APOH: variants seen among roughly 807,000 people sequenced by gnomAD.
The protein encoded by APOH is apolipoprotein H.
In APOH, 48 loss-of-function variants were observed where a neutral mutation model predicts 39.8. That is an observed-to-expected ratio of 1.21 (90% CI 0.96 to 1.54). The LOEUF is 1.54. Among genes scored for constraint, APOH ranks in the 40% most tolerant of loss-of-function variants. The pLI, the probability that APOH is intolerant of heterozygous loss-of-function variation, is 0.00. For synonymous variants in APOH, 153 were observed against 151.1 expected (o/e 1.01, Z -0.09); for missense variants, 415 against 421.2 (o/e 0.99, Z 0.13).
chr17:66,225,989 C>A (rs1481984382), intron 3 of APOH, 39 bp downstream of exon 3: 2 of 1,420,150 alleles, frequency 1.4e-6, no homozygotes, highest in East Asian at 2.3e-5. Context: ...CAAAAATGTG[C>A]TCAGTCTGTT....
chr17:66,217,165 A>G (rs2073370561), intron 5 of APOH, among the ~76,000 whole-genome samples, 198 bp from the exon 6 acceptor site: 2 of 152,176 alleles, frequency 1.3e-5, no homozygotes, highest in Admixed American at 1.3e-4. Flanking sequence ...TAAAAAAGAA[A>G]CAACCACACT....
chr17:66,221,416 G>GAAGGAAGGAAGGAAGCA lies in APOH; in HGVS notation c.416-675_416-674insTGCTTCCTTCCTTCCTT, dbSNP rs2073402101. ...GGAAGGAAGGAAGGAAGGAAGGAAG[G>GAAGGAAGGAAGGAAGCA]AAGGAAGGAAGGAAGCCCTCAAGTC... On this transcript the variant is annotated intron_variant, in intron 4 of 7. Transcript: ENST00000205948. Among the ~76,000 whole-genome samples, 2 of 111,666 alleles carry GAAGGAAGGAAGGAAGCA rather than the reference G, an allele frequency of 1.8e-5. 1 individual carries two copies. The highest frequency in any genetic ancestry group is 8.0e-5 in the African/African-American group (2 of 24,906). 73.3% of individuals were successfully genotyped at this position (111,666 alleles called of 152,430 possible). A position where few individuals can be genotyped will look rare whatever the true frequency, so the allele number is the denominator to read the frequency against.
intron 4 of APOH, among the ~76,000 whole-genome samples, chr17:66,222,909 T>C (rs556289714): frequency 6.6e-6 from 1 of 152,276 alleles, no homozygotes; most frequent in East Asian, 1.9e-4. Context: ...CACTGACATG[T>C]TGAAGAACTA....
At chr17:66,212,371 ATTTTCT>A (rs745654905) in intron 7 of APOH, among the ~76,000 whole-genome samples, 183 bp from the exon 8 acceptor site, 16 of 152,170 alleles carry the variant, frequency 1.1e-4, no homozygotes, top group South Asian at 2.1e-4. Context: ...TAAGACCCTC[ATTTTCT>A]TTTTCTTTTT....
At chr17:66,227,503 T>A (rs552777159) in intron 2 of APOH, among the ~76,000 whole-genome samples, 1 of 152,290 alleles carries the variant, frequency 6.6e-6, no homozygotes, top group Admixed American at 6.5e-5. Flanking sequence ...AGTAAAGCCA[T>A]AGTGAGATTG....
rs2073450718 is a variant in APOH, at chr17:66,228,101, C to A, written c.160G>T (p.Gly54Cys). ...GEEITYSCKP[G>C]YVSRGGMRKF... Reference sequence around the variant, plus strand: ...CTCATCCCTCCTCGGGACACATAGCCCGGCTTGCAGGAATACGTAATCTCT... The same window carrying A: ...CTCATCCCTCCTCGGGACACATAGCACGGCTTGCAGGAATACGTAATCTCT... Residue 54 changes from glycine (G) to cysteine (C), a missense_variant, in exon 2 of 8, where the codon GGC becomes TGC. Gly to Cys is a radical substitution (Grantham distance 159). This residue lies in a region of APOH where 288 missense variants were observed against 284.9 expected (regional missense o/e 1.01). Coordinates refer to ENST00000205948, the MANE Select transcript of APOH (RefSeq NM_000042.3). 1 of 1,614,056 alleles carries A rather than the reference C, an allele frequency of 6.2e-7. No individual in the cohort carries two copies. Among genetic ancestry groups the A allele is most frequent in the Non-Finnish European group, 8.5e-7 (1 of 1,180,026 alleles).
chr17:66,226,164 TAA>T (rs8178832), intron 2 of APOH, 40 bp from the exon 3 acceptor site: 4 of 1,399,288 alleles, frequency 2.9e-6, no homozygotes, highest in Non-Finnish European at 2.9e-6. Context: ...TTCTTTGGGC[TAA>T]AAAAAAACAT....
In APOH at chr17:66,216,812, A is replaced by T; in HGVS notation, c.760T>A (p.Trp254Arg). The change falls in exon 6 of 8, where the codon TGG becomes AGG. Residue 254 changes from tryptophan (W) to arginine (R), a missense_variant. This residue lies in a region of APOH where 120 missense variants were observed against 110.6 expected (regional missense o/e 1.08). Coordinates refer to ENST00000205948, the MANE Select transcript of APOH (RefSeq NM_000042.3). ...CCTTTACAACTTGGCATGGCAGACCAGTTTCCCAGTTTGGTACATTCTATT... is the reference window on the plus strand; with the variant it reads ...CCTTTACAACTTGGCATGGCAGACCTGTTTCCCAGTTTGGTACATTCTATT... Reference protein sequence around the residue: ...EEIECTKLGNWSAMPSCKASC... With the variant: ...EEIECTKLGNRSAMPSCKASC... 1 of 1,605,510 alleles carries T rather than the reference A, an allele frequency of 6.2e-7. No individual in the cohort carries two copies. Among genetic ancestry groups the T allele is most frequent in the Non-Finnish European group, 8.5e-7 (1 of 1,176,758 alleles).
At chr17:66,222,084 C>G (rs891819420) in intron 4 of APOH, among the ~76,000 whole-genome samples, 10 of 152,092 alleles carry the variant, frequency 6.6e-5, no homozygotes, top group African/African-American at 2.4e-4. Flanking sequence ...TATTTACAAC[C>G]CTTTTGGAAA....
chr17:66,229,334 C>A lies in APOH; in HGVS notation c.46G>T (p.Val16Phe), dbSNP rs769892837. The A allele has an allele frequency of 3.7e-6, 6 of 1,613,552 alleles. No individual in the cohort carries two copies. Among genetic ancestry groups the A allele is most frequent in the East Asian group, 4.5e-5 (2 of 44,868 alleles). Residue 16 changes from valine to phenylalanine, a missense_variant, in exon 1 of 8, where the codon GTT (valine) becomes TTT (phenylalanine). Physicochemically the swap from Val to Phe is conservative, Grantham distance 50. Transcript: ENST00000205948. Reference protein sequence around the residue: ...LILFSSFLCHVAIAGRTCPKP... With the variant: ...LILFSSFLCHFAIAGRTCPKP... ...TACTTACTCCGTCCTGCAATAGCAA[C>A]ATGGCAGAGAAAACTCGAGAACAAG...
intron 6 of APOH, among the ~76,000 whole-genome samples, chr17:66,216,453 C>T (rs576750335): frequency 6.7e-6 from 1 of 149,040 alleles, no homozygotes; most frequent in Non-Finnish European, 1.5e-5. Flanking sequence ...CATTGCACTC[C>T]AGCCTGGGCG....
At chr17:66,212,391 T>C (rs2073341350) in intron 7 of APOH, among the ~76,000 whole-genome samples, 3 of 152,160 alleles carry the variant, frequency 2.0e-5, no homozygotes, top group Admixed American at 6.6e-5. Context: ...TCTTTTTCTT[T>C]TTCCTTTTTT....
At chr17:66,225,072 A>T (rs2073431699) in intron 3 of APOH, among the ~76,000 whole-genome samples, 1 of 152,116 alleles carries the variant, frequency 6.6e-6, no homozygotes, top group Admixed American at 6.6e-5. Context: ...AGGAAAAAAA[A>T]AAAAAGAAAG....
At position 66,223,708 on chromosome 17, in the gene APOH, A is replaced by T. The variant is rs145202489; in HGVS notation, c.405T>A (p.Pro135=). The change falls in exon 4 of 8, where the codon CCT becomes CCA. Residue 135 remains proline (P), a synonymous_variant. Coordinates refer to ENST00000205948, the MANE Select transcript of APOH (RefSeq NM_000042.3). The part of the protein sequence containing the change: ...TEEGKWSPEL[P]VCAPIICPPP... The stretch of plus-strand genomic sequence containing the variant: ...TGCCCACAGACTTACGAGCACAGAC[A>T]GGAAGCTCCGGGCTCCATTTTCCTT... 2,687 of 1,614,192 alleles carry T rather than the reference A, an allele frequency of 1.7e-3. 30 individuals carry two copies. In the South Asian group the frequency reaches 0.017, roughly 10 times the overall value.
chr17:66,214,358 C>T, intron 7 of APOH, 95 bp downstream of exon 7: 1 of 1,246,292 alleles, frequency 8.0e-7, no homozygotes, highest in Admixed American at 1.9e-5. Flanking sequence ...CGCACCTGGC[C>T]TCATCTGGTT....
At chr17:66,222,563 CT>C in intron 4 of APOH, among the ~76,000 whole-genome samples, 1 of 131,934 alleles carries the variant, frequency 7.6e-6, no homozygotes, top group South Asian at 2.4e-4. Flanking sequence ...TTACTTTCCA[CT>C]TGCTTTTTTT....
chr17:66,216,019 T>C (rs111835124), intron 6 of APOH, among the ~76,000 whole-genome samples: 414 of 152,082 alleles, frequency 2.7e-3, no homozygotes, highest in African/African-American at 9.2e-3. Flanking sequence ...GTTTTTGCAA[T>C]GAGAAGAGCC....
Position 66,226,021 on chromosome 17 carries a change from T to C in APOH, c.338+7A>G, listed in dbSNP as rs370795198. 4.6e-5 allele frequency: 74 copies of C among 1,603,288 alleles called. No homozygotes were observed. The highest frequency in any genetic ancestry group is 5.9e-5 in the Non-Finnish European group (69 of 1,171,564). The stretch of plus-strand genomic sequence containing the variant: ...TGTTAACTGCTTAGTTCCATGAAAG[T>C]TCTTACCCAGTGTTACAAGAAAAAC... On this transcript the variant is annotated splice_region_variant and intron_variant, in intron 3 of 7. Coordinates refer to ENST00000205948, the MANE Select transcript of APOH (RefSeq NM_000042.3).
At chr17:66,213,487 G>A (rs1485041897) in intron 7 of APOH, among the ~76,000 whole-genome samples, 1 of 152,084 alleles carries the variant, frequency 6.6e-6, no homozygotes, top group African/African-American at 2.4e-5. Flanking sequence ...TGTCACTTGG[G>A]GTGAGTTCTC....
Sources: gnomAD v4.1 joint callset for allele counts (sites outside exome capture counted in the v4.1 genomes callset) on GRCh38, gnomAD v4.1.1 for gene constraint, gnomAD v4.1.1 regional missense constraint, MANE v1.5 for transcripts, NCBI Gene and HGNC (gene_info 2026-07-23, HGNC 2026-07-21) for gene names.